Variants in NEBL observed in about 807,000 individuals in gnomAD.
The protein encoded by NEBL is LIM and SH3 protein 2.
In NEBL, 122 loss-of-function variants were observed where a neutral mutation model predicts 140.2. The observed-to-expected ratio is 0.87, with a 90% CI of 0.75 to 1.01. The LOEUF is 1.01. Ranked by LOEUF, NEBL falls within the 50% of genes least tolerant of loss-of-function variation. The pLI is 0.00. For synonymous variants in NEBL, 436 were observed against 398.9 expected (o/e 1.09, Z -1.11); for missense variants, 1,365 against 1,231.3 (o/e 1.11, Z -1.62).
upstream of NEBL, among the ~76,000 whole-genome samples, chr10:20,900,417 C>T (rs1847810793): frequency 6.6e-6 from 1 of 152,188 alleles, no homozygotes; most frequent in Non-Finnish European, 1.5e-5. Flanking sequence ...CAGTGGCACA[C>T]GCCTGTAATC....
At chr10:21,102,280 G>C (rs1837512880) in intron 2 of NEBL, among the ~76,000 whole-genome samples, 1 of 151,992 alleles carries the variant, frequency 6.6e-6, no homozygotes, top group Non-Finnish European at 1.5e-5. Flanking sequence ...AGATATAATT[G>C]GCTCACAATA....
At chr10:20,935,217 G>A (rs1284610148) in intron 4 of NEBL, among the ~76,000 whole-genome samples, 4 of 152,166 alleles carry the variant, frequency 2.6e-5, no homozygotes, top group Non-Finnish European at 4.4e-5. Flanking sequence ...TCTCCTCTCA[G>A]ATGGAGATTT....
chr10:21,130,093 G>A lies in NEBL; in HGVS notation c.164+42290C>T, dbSNP rs185429871. On this transcript the variant is annotated intron_variant, in intron 2 of 6. Coordinates refer to the NEBL transcript ENST00000417816. ...TAACACTAACCAAAAGAAAGCAGGA[G>A]TAGCTATGTTAATTTCAAAACAGGG... is the stretch of plus-strand genomic sequence containing the variant. Among the ~76,000 whole-genome samples, 152 of 144,664 alleles carry A rather than the reference G, an allele frequency of 1.1e-3. 1 individual carries two copies. The highest frequency in any genetic ancestry group is 1.6e-3 in the Non-Finnish European group (109 of 67,390). The allele number at this position is 144,664 out of a possible 152,430, so 94.9% of individuals were successfully genotyped here. A position where few individuals can be genotyped will look rare whatever the true frequency, so the allele number is the denominator to read the frequency against.
rs1217301572 is a variant in NEBL, at chr10:21,173,845, C to CCGGGGG, written c.-18_-13dup. 1 of 1,610,358 alleles carries CCGGGGG rather than the reference C, an allele frequency of 6.2e-7. No individual in the cohort carries two copies. The highest frequency in any genetic ancestry group is 1.3e-5 in the African/African-American group (1 of 74,942). The stretch of plus-strand genomic sequence containing the variant: ...CACTGGGGGTTCATGATCGCGGTTC[C>CCGGGGG]CGGGGGCGGCGGCGGCGGCGGCTGC... On this transcript the variant is annotated 5_prime_UTR_variant, in exon 1 of 7. Transcript: ENST00000417816. This position sits in a 1 kb window ranked among gnomAD's most constrained non-coding sequence, Gnocchi z 5.7.
intron 2 of NEBL, among the ~76,000 whole-genome samples, chr10:21,063,021 G>A (rs1835370652): frequency 6.6e-6 from 1 of 152,084 alleles, no homozygotes; most frequent in South Asian, 2.1e-4. Flanking sequence ...AAAAGATGAG[G>A]CAATAGAAAT....
At chr10:21,113,405 A>C (rs1838139155) in intron 2 of NEBL, 2 of 424,658 alleles carry the variant, frequency 4.7e-6, no homozygotes, top group Non-Finnish European at 8.9e-6. Flanking sequence ...TCTCTTCCCA[A>C]AGTGGAAGCC....
At chr10:20,894,355 C>G (rs1292959397) in intron 2 of NEBL, among the ~76,000 whole-genome samples, 2 of 151,946 alleles carry the variant, frequency 1.3e-5, no homozygotes, top group African/African-American at 2.4e-5. Flanking sequence ...CACCTGTAGT[C>G]CTAGCCACTT....
At chr10:20,892,989 G>A (rs1047594223) in intron 2 of NEBL, among the ~76,000 whole-genome samples, 1 of 152,218 alleles carries the variant, frequency 6.6e-6, no homozygotes, top group Non-Finnish European at 1.5e-5. Context: ...CTCTGGAGGA[G>A]TAACCACAGA....
At position 20,831,536 on chromosome 10, in the gene NEBL, C is replaced by T; in HGVS notation, c.1497G>A (p.Met499Ile). ...CATCAAGAGTGTCTGTGCTCACCTGCATCCCTTTCCCTTTAATTTCAGTCT... is the reference window on the plus strand; with the variant it reads ...CATCAAGAGTGTCTGTGCTCACCTGTATCCCTTTCCCTTTAATTTCAGTCT... ...DLETEIKGKG[M>I]QVSTDTLDVQ... Residue 499 changes from methionine (M) to isoleucine (I), a missense_variant, in exon 15 of 28, where the codon ATG becomes ATA. Transcript: ENST00000377122. The T allele has an allele frequency of 1.2e-6, 2 of 1,612,704 alleles. No homozygotes were observed. Among genetic ancestry groups the T allele is most frequent in the Non-Finnish European group, 1.7e-6 (2 of 1,179,458 alleles).
intron 1 of NEBL, among the ~76,000 whole-genome samples, chr10:21,283,477 A>C (rs922764797): frequency 6.6e-6 from 1 of 152,108 alleles, no homozygotes; most frequent in Non-Finnish European, 1.5e-5. Context: ...ACTCCCCCTG[A>C]ATTATTTGTT....
At chr10:20,958,553 T>C (rs558052961) in intron 4 of NEBL, among the ~76,000 whole-genome samples, 47 of 152,196 alleles carry the variant, frequency 3.1e-4, no homozygotes, top group Non-Finnish European at 5.9e-4. Context: ...TAACATTCAA[T>C]TTCATAAGCA....
intron 4 of NEBL, among the ~76,000 whole-genome samples, chr10:20,936,389 T>G (rs1244493039): frequency 6.6e-6 from 1 of 152,248 alleles, no homozygotes; most frequent in East Asian, 1.9e-4. Context: ...CAGCTGTTTA[T>G]GCCTAACAGG....
chr10:21,136,130 C>A (rs1589271062), intron 2 of NEBL, among the ~76,000 whole-genome samples: 1 of 152,152 alleles, frequency 6.6e-6, no homozygotes, highest in Non-Finnish European at 1.5e-5. Context: ...GATACTCTAA[C>A]CCAAACTTTC....
chr10:21,224,935 A>C (rs1842123835), intron 3 of NEBL, among the ~76,000 whole-genome samples: 1 of 152,204 alleles, frequency 6.6e-6, no homozygotes, highest in East Asian at 1.9e-4. Flanking sequence ...ATATAAGATC[A>C]TATCATTTAC....
At chr10:21,170,329 C>A (rs1841017983) in intron 2 of NEBL, 1 of 152,194 alleles carries the variant, frequency 6.6e-6, no homozygotes, top group Admixed American at 6.5e-5. Context: ...AATTCCTGGC[C>A]CTGCCCTGTA....
chr10:21,135,314 C>T (rs1839302061), intron 2 of NEBL, among the ~76,000 whole-genome samples: 1 of 152,208 alleles, frequency 6.6e-6, no homozygotes, highest in South Asian at 2.1e-4. Flanking sequence ...ACAGGACAGC[C>T]CGTCCTCCCT....
chr10:21,188,176 C>G (rs1564539607), intron 3 of NEBL, among the ~76,000 whole-genome samples: 1 of 152,184 alleles, frequency 6.6e-6, no homozygotes, highest in Admixed American at 6.5e-5. Flanking sequence ...GCCCTTAATT[C>G]TCTCATGGAC....
intron 5 of NEBL, among the ~76,000 whole-genome samples, chr10:20,872,928 G>C (rs762543872): frequency 2.0e-5 from 3 of 152,170 alleles, no homozygotes; most frequent in African/African-American, 4.8e-5. Context: ...AGCAGCCTTC[G>C]GGGCTGCTCT....
At chr10:20,859,847 T>G (rs1299025158) in intron 7 of NEBL, 21 bp from the exon 8 acceptor site, 1 of 1,121,340 alleles carries the variant, frequency 8.9e-7, no homozygotes, top group Non-Finnish European at 1.3e-6. Flanking sequence ...AGAGAAATAG[T>G]ACATGTAACT....
Sources: allele counts gnomAD v4.1 joint callset (sites outside exome capture counted in the v4.1 genomes callset), GRCh38; gene constraint gnomAD v4.1.1; non-coding constraint Gnocchi (gnomAD v3.1); transcripts MANE v1.5; gene names NCBI Gene and HGNC (gene_info 2026-07-23, HGNC 2026-07-21).